Variants in TTC28 observed in about 807,000 individuals in gnomAD.
The protein encoded by TTC28 is tetratricopeptide repeat protein 28.
TTC28 carries 61 observed loss-of-function variants against 198.0 expected under a neutral mutation model. That is an observed-to-expected ratio of 0.31 (90% confidence interval 0.25 to 0.38). The LOEUF (loss-of-function observed/expected upper bound fraction) is 0.38. Ranked by LOEUF, TTC28 falls within the 10% of genes least tolerant of loss-of-function variation. TTC28 has a pLI of 1.00. For missense variants in TTC28, 2,678 were observed against 3,164.0 expected, an observed-to-expected ratio of 0.85 and a Z score of 3.69; for synonymous variants, 1,171 against 1,297.8, an observed-to-expected ratio of 0.90 and a Z score of 2.10.
At chr22:27,983,882 A>G in intron 22 of TTC28, 31 bp from the exon 23 acceptor site, 1 of 1,525,196 alleles carries the variant, frequency 6.6e-7, no homozygotes, top group South Asian at 1.3e-5. Flanking sequence ...CCCCAAGGAC[A>G]GTTAGAATTC....
rs1928229615 is a variant in TTC28 at position 28,225,366 on chromosome 22, GAAAAGAAGAAGAAGAA to G, written c.934-61783_934-61768del. Among the ~76,000 whole-genome samples, 3 of 82,928 alleles carry G rather than the reference GAAAAGAAGAAGAAGAA, an allele frequency of 3.6e-5. No homozygotes were observed. The Admixed American group carries it at 5.0e-4, about 14-fold the overall frequency. 54.4% of individuals were successfully genotyped at this position (82,928 alleles called of 152,430 possible). On this transcript the variant is annotated intron_variant, in intron 5 of 22. Transcript: ENST00000397906. Reference sequence around the variant, plus strand: ...TGAGAGATTCTGTTAAAAAAAAAAAGAAAAGAAGAAGAAGAAGAAGAAGAAGAAGAAGAAGAAAGAA... The same window carrying G: ...TGAGAGATTCTGTTAAAAAAAAAAAGGAAGAAGAAGAAGAAGAAGAAAGAA...
chr22:28,399,213 G>T (rs530482604), intron 2 of TTC28, among the ~76,000 whole-genome samples: 2 of 151,038 alleles, frequency 1.3e-5, no homozygotes, highest in East Asian at 1.9e-4. Context: ...CATGAACCCC[G>T]CATTATCTCT....
intron 2 of TTC28, among the ~76,000 whole-genome samples, chr22:28,353,809 A>T (rs2046035985): frequency 1.3e-5 from 2 of 152,226 alleles, no homozygotes; most frequent in Admixed American, 1.3e-4. Context: ...GAATATATGA[A>T]GAACTCCTAT....
intron 2 of TTC28, among the ~76,000 whole-genome samples, chr22:28,465,555 T>C (rs1408131645): frequency 6.6e-6 from 1 of 150,962 alleles, no homozygotes; most frequent in Non-Finnish European, 1.5e-5. Context: ...ACCTAGGGAG[T>C]GGAAGTTGCA....
At chr22:28,113,446 T>C (rs952422784) in intron 6 of TTC28, among the ~76,000 whole-genome samples, 1 of 152,196 alleles carries the variant, frequency 6.6e-6, no homozygotes, top group Non-Finnish European at 1.5e-5. Context: ...TTCTAAATGA[T>C]GTGACCTGGC....
At chr22:28,581,652 C>A (rs2050235380) in intron 2 of TTC28, among the ~76,000 whole-genome samples, 1 of 152,098 alleles carries the variant, frequency 6.6e-6, no homozygotes, top group Non-Finnish European at 1.5e-5. Context: ...GATATCATTG[C>A]AAGAATATTT....
rs575911647 is a variant in TTC28, at chr22:28,181,319, A to G, written c.934-17720T>C. On this transcript the variant is annotated intron_variant, in intron 5 of 22. Transcript: ENST00000397906. ...ATGTCCTTTGCAGATGTAAATTAAC[A>G]GATTAATAAGAAAACAAGCTTTCTG... Among the ~76,000 whole-genome samples, 339 of 152,336 alleles carry G rather than the reference A, an allele frequency of 2.2e-3. 1 individual carries two copies. Among genetic ancestry groups the G allele is most frequent in the Middle Eastern group, 0.01 (3 of 294 alleles).
At chr22:28,160,814 G>A (rs1356816426) in intron 6 of TTC28, among the ~76,000 whole-genome samples, 1 of 152,084 alleles carries the variant, frequency 6.6e-6, no homozygotes, top group African/African-American at 2.4e-5. Context: ...ACAAAACTAA[G>A]TGCCACTTTT....
chr22:28,029,023 G>T (rs1376879932), intron 13 of TTC28: 2 of 471,030 alleles, frequency 4.2e-6, no homozygotes, highest in East Asian at 1.4e-4. Context: ...CCTGGTGGAG[G>T]TAAGTGTCAC....
chr22:28,122,161 C>A (rs1181400768), intron 6 of TTC28, among the ~76,000 whole-genome samples: 1 of 152,192 alleles, frequency 6.6e-6, no homozygotes, highest in East Asian at 1.9e-4. Flanking sequence ...AACCACCGCG[C>A]TCAGCCTGCT....
chr22:28,223,580 T>C lies in TTC28; in HGVS notation c.934-59981A>G, dbSNP rs78163517. Among the ~76,000 whole-genome samples the C allele has an allele frequency of 5.1e-3, 779 of 152,262 alleles. 7 individuals are homozygous for C. The highest frequency in any genetic ancestry group is 0.018 in the African/African-American group (742 of 41,556). On this transcript the variant is annotated intron_variant, in intron 5 of 22. Coordinates refer to ENST00000397906, the MANE Select transcript of TTC28 (RefSeq NM_001145418.2). ...CACAGTTGGCCACAGCAGTGGAACA[T>C]CCTGAATGATTATAGCCTGAACTTC...
chr22:28,346,322 C>T (rs1490972781), intron 2 of TTC28, among the ~76,000 whole-genome samples: 3 of 152,228 alleles, frequency 2.0e-5, no homozygotes, highest in Non-Finnish European at 4.4e-5. Flanking sequence ...GCATTACTTT[C>T]ATTCTAATGT....
intron 5 of TTC28, among the ~76,000 whole-genome samples, chr22:28,251,366 A>T (rs547091285): frequency 1.3e-5 from 2 of 152,198 alleles, no homozygotes; most frequent in Non-Finnish European, 2.9e-5. Context: ...TTTATTTATT[A>T]TCTATGGCTG....
At chr22:28,643,640 A>C (rs757353614) in intron 1 of TTC28, among the ~76,000 whole-genome samples, 12 of 152,192 alleles carry the variant, frequency 7.9e-5, no homozygotes, top group Non-Finnish European at 1.3e-4. Context: ...TTAAGATTTG[A>C]AACTTCTTTT....
intron 12 of TTC28, among the ~76,000 whole-genome samples, chr22:28,052,487 A>G (rs1189852126): frequency 6.6e-6 from 1 of 152,210 alleles, no homozygotes; most frequent in Non-Finnish European, 1.5e-5. Context: ...TAGTTAATAC[A>G]TCTTCTCAAC....
chr22:28,395,944 T>C (rs1279205882), intron 2 of TTC28, among the ~76,000 whole-genome samples: 1 of 152,240 alleles, frequency 6.6e-6, no homozygotes, highest in Non-Finnish European at 1.5e-5. Flanking sequence ...TTCACAACTA[T>C]GACTAATGCA....
chr22:28,511,419 AT>A (rs2048687182), intron 2 of TTC28, among the ~76,000 whole-genome samples: 1 of 152,224 alleles, frequency 6.6e-6, no homozygotes, highest in African/African-American at 2.4e-5. Flanking sequence ...AGGATTCCCT[AT>A]TTAATAAATG....
At chr22:28,417,300 T>TTA (rs2047181003) in intron 2 of TTC28, among the ~76,000 whole-genome samples, 2 of 44,650 alleles carry the variant, frequency 4.5e-5, no homozygotes, top group African/African-American at 9.4e-5. Flanking sequence ...CTGTCTCTAC[T>TTA]AAAAAAAAAA....
Position 27,978,021 on chromosome 22 carries a change from T to G in TTC28, c.*4200A>C, listed in dbSNP as rs1161445686. The G allele has an allele frequency of 6.6e-6, 1 of 152,182 alleles. No individual in the cohort carries two copies. The highest frequency in any genetic ancestry group is 1.5e-5 in the Non-Finnish European group (1 of 68,040). The allele number at this position is 152,182 out of a possible 1,614,324, so 9.4% of individuals were successfully genotyped here. A position where few individuals can be genotyped will look rare whatever the true frequency, so the allele number is the denominator to read the frequency against. ...GTGATCCAGATACAGCACTTAAAACTGAGGGAACTCATGCTTTAATAGACA... is the reference window on the plus strand; with the variant it reads ...GTGATCCAGATACAGCACTTAAAACGGAGGGAACTCATGCTTTAATAGACA... On this transcript the variant is annotated 3_prime_UTR_variant, in exon 23 of 23. Coordinates refer to ENST00000397906, the MANE Select transcript of TTC28 (RefSeq NM_001145418.2).
Sources: gnomAD v4.1 joint callset for allele counts (sites outside exome capture counted in the v4.1 genomes callset) on GRCh38, gnomAD v4.1.1 for gene constraint, MANE v1.5 for transcripts, NCBI Gene and HGNC (gene_info 2026-07-23, HGNC 2026-07-21) for gene names.